Variants in RARB observed in about 807,000 individuals in gnomAD.
The protein encoded by RARB is HBV-activated protein.
Under a neutral mutation model 51.9 loss-of-function variants are expected in RARB, and 17 were observed. The ratio of observed to expected loss-of-function variants is 0.33; its 90% CI spans 0.22 to 0.49. The LOEUF (loss-of-function observed/expected upper bound fraction) is 0.49, where lower values mean the gene tolerates loss of function less well. Ranked by LOEUF, RARB falls within the 20% of genes least tolerant of loss-of-function variation. The pLI, the probability that RARB is intolerant of heterozygous loss-of-function variation, is 0.99. For missense variants in RARB, 369 were observed against 550.8 expected (o/e 0.67, Z 3.30); for synonymous variants, 215 against 195.4 (o/e 1.10, Z -0.84).
At chr3:24,987,785 C>T (rs758926869) in intron 2 of RARB, among the ~76,000 whole-genome samples, 12 of 152,102 alleles carry the variant, frequency 7.9e-5, no homozygotes, top group Non-Finnish European at 1.5e-4. Flanking sequence ...TCTTTCAGCC[C>T]CCTATTTGAA....
chr3:25,039,135 A>C (rs1698061996), intron 2 of RARB, among the ~76,000 whole-genome samples: 1 of 152,184 alleles, frequency 6.6e-6, no homozygotes, highest in Admixed American at 6.5e-5. Context: ...AAAATACATC[A>C]AAATAAAGCT....
chr3:25,443,637 G>T (rs1231428710), intron 1 of RARB, among the ~76,000 whole-genome samples: 1 of 142,348 alleles, frequency 7.0e-6, no homozygotes, highest in South Asian at 2.3e-4. Flanking sequence ...AAAAAAAAAT[G>T]ATAAAGCTAA....
intron 5 of RARB, among the ~76,000 whole-genome samples, chr3:25,391,143 A>C (rs1253649719): frequency 2.0e-5 from 3 of 152,168 alleles, no homozygotes; most frequent in Non-Finnish European, 4.4e-5. Flanking sequence ...GAGAATATAC[A>C]ATGTTTGGTT....
At chr3:24,835,741 T>C (rs1354437180) in intron 1 of RARB, among the ~76,000 whole-genome samples, 2 of 152,214 alleles carry the variant, frequency 1.3e-5, no homozygotes, top group African/African-American at 4.8e-5. Flanking sequence ...ATATTCATAA[T>C]GATAGAGCGC....
At chr3:25,217,820 C>G (rs985007775) in intron 5 of RARB, among the ~76,000 whole-genome samples, 1 of 152,150 alleles carries the variant, frequency 6.6e-6, no homozygotes, top group Non-Finnish European at 1.5e-5. Context: ...GCTCCCTTTG[C>G]AAAGCTCTGG....
chr3:25,016,800 C>T (rs1559434906), intron 2 of RARB, among the ~76,000 whole-genome samples: 1 of 152,046 alleles, frequency 6.6e-6, no homozygotes, highest in Non-Finnish European at 1.5e-5. Context: ...GTTAGAACTC[C>T]TATCCTGTGC....
chr3:25,596,506 C>T lies in RARB; in HGVS notation c.1237C>T (p.His413Tyr). The T allele has an allele frequency of 6.2e-7, 1 of 1,613,378 alleles. No homozygotes were observed. The highest frequency in any genetic ancestry group is 2.2e-5 in the East Asian group (1 of 44,858). ...AGAAATGCTGGAGAATTCTGAAGGA[C>T]ATGAACCCTTGACCCCAAGTTCAAG... is the stretch of plus-strand genomic sequence containing the variant. ...IQEMLENSEGHEPLTPSSSGN... is the reference protein window; with the variant it reads ...IQEMLENSEGYEPLTPSSSGN... Residue 413 changes from histidine to tyrosine, a missense_variant, in exon 8 of 8, where the codon CAT (histidine) becomes TAT (tyrosine). His to Tyr is a moderately conservative substitution (Grantham distance 83, BLOSUM62 2). Around this residue, in one of 9 missense-constraint regions of RARB, gnomAD observed 54 missense variants for 43.4 expected, o/e 1.24. Transcript: ENST00000330688.
At chr3:25,313,876 C>A (rs1475567589) in intron 5 of RARB, among the ~76,000 whole-genome samples, 1 of 151,946 alleles carries the variant, frequency 6.6e-6, no homozygotes, top group Non-Finnish European at 1.5e-5. Context: ...TCAAGACCAG[C>A]CTGGGCAACG....
At chr3:25,394,271 T>C (rs940645085) in intron 5 of RARB, among the ~76,000 whole-genome samples, 51 of 152,144 alleles carry the variant, frequency 3.4e-4, no homozygotes, top group African/African-American at 1.2e-3. Context: ...GTACATGTTA[T>C]AATTTCAATT....
rs571986597 is a variant in RARB, at chr3:25,198,490, A to G, written c.178+23915A>G. Among the ~76,000 whole-genome samples the G allele has an allele frequency of 9.8e-5, 15 of 152,298 alleles. No individual in the cohort carries two copies. The East Asian group carries it at 2.9e-3, about 29-fold the overall frequency. ...TCAACAAAGTGAAGAGACAACCCAC[A>G]GAATGGGAGAAAATATTTGCAAACT... On this transcript the variant is annotated intron_variant, in intron 5 of 11. Transcript: ENST00000383772.
intron 5 of RARB, among the ~76,000 whole-genome samples, chr3:25,291,476 CTTTTT>C (rs199605013): frequency 1.6e-5 from 2 of 125,380 alleles, no homozygotes; most frequent in Non-Finnish European, 3.3e-5. Flanking sequence ...CAGATGTTTG[CTTTTT>C]TTTTTTTTTT....
At chr3:25,493,824 C>T (rs552466919) in intron 2 of RARB, among the ~76,000 whole-genome samples, 1 of 152,166 alleles carries the variant, frequency 6.6e-6, no homozygotes, top group East Asian at 1.9e-4. Context: ...TAATTCCTTT[C>T]TTCAAACAAT....
chr3:25,187,647 C>T (rs1575205360), intron 5 of RARB, among the ~76,000 whole-genome samples: 1 of 151,876 alleles, frequency 6.6e-6, no homozygotes, highest in East Asian at 1.9e-4. Flanking sequence ...AAAAGAAATG[C>T]AAATGAAGAT....
chr3:24,953,835 C>T (rs1254080251), intron 2 of RARB, among the ~76,000 whole-genome samples: 1 of 152,258 alleles, frequency 6.6e-6, no homozygotes, highest in East Asian at 1.9e-4. Context: ...TCCTACTTGA[C>T]TTCTTGTCCA....
chr3:24,974,928 AT>A (rs1254437936), intron 2 of RARB, among the ~76,000 whole-genome samples: 1 of 152,076 alleles, frequency 6.6e-6, no homozygotes, highest in Non-Finnish European at 1.5e-5. Flanking sequence ...ACAAGGTTGG[AT>A]TGTTTAGCTT....
At chr3:25,589,850 G>A (rs940114263) in intron 5 of RARB, among the ~76,000 whole-genome samples, 1 of 152,198 alleles carries the variant, frequency 6.6e-6, no homozygotes, top group African/African-American at 2.4e-5. Context: ...CCTGCATGCC[G>A]GTCTTTCCAG....
At chr3:25,317,551 A>G (rs900541502) in intron 5 of RARB, among the ~76,000 whole-genome samples, 1 of 152,206 alleles carries the variant, frequency 6.6e-6, no homozygotes, top group African/African-American at 2.4e-5. Context: ...AGGAGTGTCA[A>G]TAACATGGGT....
chr3:25,269,267 T>C (rs1040425285), intron 5 of RARB, among the ~76,000 whole-genome samples: 7 of 152,302 alleles, frequency 4.6e-5, no homozygotes, highest in African/African-American at 1.7e-4. Context: ...TCCTTAAGTA[T>C]TCTGAAATGA....
At chr3:25,421,267 A>C (rs1707850590) in intron 5 of RARB, among the ~76,000 whole-genome samples, 1 of 152,044 alleles carries the variant, frequency 6.6e-6, no homozygotes, top group South Asian at 2.1e-4. Flanking sequence ...TGCAGCCTGA[A>C]ATGTGCATTC....
Sources: allele counts gnomAD v4.1 joint callset (sites outside exome capture counted in the v4.1 genomes callset), GRCh38; gene constraint gnomAD v4.1.1; regional missense constraint gnomAD v4.1.1; transcripts MANE v1.5; gene names NCBI Gene and HGNC (gene_info 2026-07-23, HGNC 2026-07-21).